UBE2D1: variants seen among roughly 807,000 people sequenced by gnomAD.
UBE2D1 encodes the protein ubiquitin conjugating enzyme E2 D1.
UBE2D1 carries 9 observed loss-of-function variants against 24.6 expected under a neutral mutation model. That is an observed-to-expected ratio of 0.37 (90% CI 0.22 to 0.64). The LOEUF (loss-of-function observed/expected upper bound fraction) is 0.64, where lower values mean the gene tolerates loss of function less well. UBE2D1 is among the 30% of genes least tolerant of loss of function. The probability of loss-of-function intolerance (pLI) is 0.64; values close to 1 mark genes in which losing one functional copy is unlikely to be tolerated. For missense variants in UBE2D1, 87 were observed against 177.1 expected, an observed-to-expected ratio of 0.49 and a Z score of 2.89; for synonymous variants, 57 against 57.6, an observed-to-expected ratio of 0.99 and a Z score of 0.04.
rs1234610780 is a variant in UBE2D1 at position 58,355,721 on chromosome 10, T to C, written c.25-5617T>C. 3.9e-5 allele frequency among the ~76,000 whole-genome samples: 6 copies of C among 152,312 alleles called. No individual in the cohort carries two copies. In the East Asian group the frequency reaches 1.2e-3, roughly 29 times the overall value. On this transcript the variant is annotated intron_variant, in intron 1 of 6. Coordinates refer to ENST00000373910, the MANE Select transcript of UBE2D1 (RefSeq NM_003338.5). ...ATAATTTTGTCTTACAAAAAAGTTG[T>C]TAAAATAATAAGGTTCATATATATC...
At position 58,359,932 on chromosome 10, in the gene UBE2D1, C is replaced by T. The variant is rs543305668; in HGVS notation, c.25-1406C>T. Among the ~76,000 whole-genome samples the T allele has an allele frequency of 3.9e-5, 6 of 152,314 alleles. No individual in the cohort carries two copies. In the South Asian group the frequency reaches 1.2e-3, roughly 32 times the overall value. On this transcript the variant is annotated intron_variant, in intron 1 of 6. Coordinates refer to ENST00000373910, the MANE Select transcript of UBE2D1 (RefSeq NM_003338.5). ...TACCACTTCTATCTTGTTGCCACTTCTCCAATCTAAGCCCCCATTTTTCTT... is the reference window on the plus strand; with the variant it reads ...TACCACTTCTATCTTGTTGCCACTTTTCCAATCTAAGCCCCCATTTTTCTT...
At chr10:58,339,959 G>A (rs1353763444) in intron 1 of UBE2D1, among the ~76,000 whole-genome samples, 1 of 152,040 alleles carries the variant, frequency 6.6e-6, no homozygotes, top group East Asian at 1.9e-4. Flanking sequence ...TGAGATTACT[G>A]AACTCACCAG....
At position 58,360,884 on chromosome 10, in the gene UBE2D1, T is replaced by C. The variant is rs909720712; in HGVS notation, c.25-454T>C. ...AGGCTGCAGTGAGCTTTCGTGCCACTGCACTCCATCCTGGGCGACAAAGTG... is the reference window on the plus strand; with the variant it reads ...AGGCTGCAGTGAGCTTTCGTGCCACCGCACTCCATCCTGGGCGACAAAGTG... On this transcript the variant is annotated intron_variant, in intron 1 of 6. Transcript: ENST00000373910. The C allele has an allele frequency of 9.5e-5, 41 of 430,732 alleles. No homozygotes were observed. In the Admixed American group the frequency reaches 1.0e-3, roughly 11 times the overall value. 26.7% of individuals were successfully genotyped at this position (430,732 alleles called of 1,614,324 possible). A position where few individuals can be genotyped will look rare whatever the true frequency, so the allele number is the denominator to read the frequency against.
rs1339264472 is a variant in UBE2D1, at chr10:58,360,885, G to A, written c.25-453G>A. 14 of 430,630 alleles carry A rather than the reference G, an allele frequency of 3.3e-5. No homozygotes were observed. The East Asian group carries it at 9.8e-4, about 30-fold the overall frequency. 26.7% of individuals were successfully genotyped at this position (430,630 alleles called of 1,614,324 possible). A position where few individuals can be genotyped will look rare whatever the true frequency, so the allele number is the denominator to read the frequency against. On this transcript the variant is annotated intron_variant, in intron 1 of 6. Transcript: ENST00000373910. ...GGCTGCAGTGAGCTTTCGTGCCACT[G>A]CACTCCATCCTGGGCGACAAAGTGA...
intron 1 of UBE2D1, among the ~76,000 whole-genome samples, chr10:58,337,746 G>A (rs1367493216): frequency 6.6e-6 from 1 of 152,140 alleles, no homozygotes; most frequent in African/African-American, 2.4e-5. Context: ...CCCTCAGATC[G>A]GTTGGGGTGG....
intron 1 of UBE2D1, among the ~76,000 whole-genome samples, chr10:58,357,984 G>A (rs1335125845): frequency 6.6e-6 from 1 of 152,020 alleles, no homozygotes; most frequent in East Asian, 1.9e-4. Flanking sequence ...TCTAACAGAG[G>A]AGGTAGAATT....
intron 1 of UBE2D1, among the ~76,000 whole-genome samples, chr10:58,338,655 T>G (rs1003045745): frequency 6.6e-6 from 1 of 151,898 alleles, no homozygotes; most frequent in African/African-American, 2.4e-5. Flanking sequence ...ACCAAATGTT[T>G]TGAAAACTAA....
rs763848301 is a variant in UBE2D1 at position 58,352,400 on chromosome 10, G to T, written c.25-8938G>T. Reference sequence around the variant, plus strand: ...TGTCCTTTGTTGTCAGTGGCACACGGTCTGTGTGGCAAGATGGCAGCAGCC... The same window carrying T: ...TGTCCTTTGTTGTCAGTGGCACACGTTCTGTGTGGCAAGATGGCAGCAGCC... On this transcript the variant is annotated intron_variant, in intron 1 of 6. Coordinates refer to ENST00000373910, the MANE Select transcript of UBE2D1 (RefSeq NM_003338.5). 2.2e-4 allele frequency among the ~76,000 whole-genome samples: 33 copies of T among 152,154 alleles called. 1 individual carries two copies. Among genetic ancestry groups the T allele is most frequent in the Admixed American group, 1.2e-3 (19 of 15,276 alleles).
chr10:58,360,330 T>C (rs1477656532), intron 1 of UBE2D1, among the ~76,000 whole-genome samples: 2 of 152,144 alleles, frequency 1.3e-5, no homozygotes, highest in Admixed American at 6.5e-5. Context: ...CTTTCTTCTT[T>C]GGGATGATCA....
chr10:58,354,572 C>T (rs1417813068), intron 1 of UBE2D1, among the ~76,000 whole-genome samples: 2 of 151,994 alleles, frequency 1.3e-5, no homozygotes, highest in Admixed American at 6.6e-5. Flanking sequence ...AATATTTGGC[C>T]GGGCTCAGTG....
intron 1 of UBE2D1, among the ~76,000 whole-genome samples, chr10:58,354,366 G>A (rs1840108528): frequency 6.6e-6 from 1 of 151,792 alleles, no homozygotes; most frequent in Non-Finnish European, 1.5e-5. Context: ...CTGTGTCTAG[G>A]AAACATCCAA....
chr10:58,361,624 T>G (rs1190947241), intron 3 of UBE2D1, 98 bp downstream of exon 3: 1 of 1,529,256 alleles, frequency 6.5e-7, no homozygotes, highest in African/African-American at 1.4e-5. Flanking sequence ...GGTTGAATAT[T>G]CTTGTACTTT....
intron 1 of UBE2D1, among the ~76,000 whole-genome samples, chr10:58,359,200 C>T (rs116370511): frequency 0.016 from 2,487 of 152,196 alleles, 67 homozygotes; most frequent in African/African-American, 0.057. Context: ...GCACTGAACT[C>T]ATTGCCATAA....
At chr10:58,359,654 C>T (rs955889522) in intron 1 of UBE2D1, among the ~76,000 whole-genome samples, 2 of 152,200 alleles carry the variant, frequency 1.3e-5, no homozygotes, top group African/African-American at 4.8e-5. Flanking sequence ...GATCGCCCAC[C>T]TGGGTTTGAA....
At chr10:58,344,618 A>G (rs888753884) in intron 1 of UBE2D1, among the ~76,000 whole-genome samples, 1 of 152,154 alleles carries the variant, frequency 6.6e-6, no homozygotes, top group Non-Finnish European at 1.5e-5. Context: ...TTGAAATATC[A>G]GATTTGAAAT....
chr10:58,346,820 C>T (rs192031354), intron 1 of UBE2D1, among the ~76,000 whole-genome samples: 134 of 152,212 alleles, frequency 8.8e-4, no homozygotes, highest in Non-Finnish European at 1.6e-3. Context: ...AATAGGAGGA[C>T]AGTAGGTAAG....
At chr10:58,356,587 A>G (rs1401642630) in intron 1 of UBE2D1, among the ~76,000 whole-genome samples, 3 of 152,156 alleles carry the variant, frequency 2.0e-5, no homozygotes, top group South Asian at 2.1e-4. Flanking sequence ...AGTAATTTCT[A>G]TGAGGTGAAA....
chr10:58,336,117 A>G (rs1037814180), intron 1 of UBE2D1, among the ~76,000 whole-genome samples: 3 of 152,170 alleles, frequency 2.0e-5, no homozygotes, highest in Non-Finnish European at 4.4e-5. Context: ...ATTTATTGCC[A>G]CCATTTCAGA....
intron 3 of UBE2D1, 37 bp from the exon 4 acceptor site, chr10:58,363,572 G>A (rs1433758980): frequency 1.4e-6 from 2 of 1,437,730 alleles, no homozygotes; most frequent in African/African-American, 1.4e-5. Context: ...AATAAATATA[G>A]TAATCAAATG....
Sources: allele counts gnomAD v4.1 joint callset (sites outside exome capture counted in the v4.1 genomes callset), GRCh38; gene constraint gnomAD v4.1.1; transcripts MANE v1.5; gene names NCBI Gene and HGNC (gene_info 2026-07-23, HGNC 2026-07-21).